The following COL21A1 variants were observed in gnomAD, a reference collection of about 807,000 sequenced individuals.
COL21A1 encodes the protein collagen type XXI alpha 1 chain.
Under a neutral mutation model 137.9 loss-of-function variants are expected in COL21A1, and 149 were observed. The ratio of observed to expected loss-of-function variants is 1.08; its 90% CI spans 0.95 to 1.24. COL21A1 has a LOEUF of 1.24. Ranked by LOEUF, COL21A1 falls within the 50% of genes most tolerant of loss-of-function variation. COL21A1 has a pLI of 0.00. For missense variants in COL21A1, 1,167 were observed against 1,158.4 expected, an observed-to-expected ratio of 1.01 and a Z score of -0.11; for synonymous variants, 456 against 391.5, an observed-to-expected ratio of 1.16 and a Z score of -1.95.
chr6:56,378,608 CT>C (rs1289107026), intron 1 of COL21A1, among the ~76,000 whole-genome samples: 1 of 152,228 alleles, frequency 6.6e-6, no homozygotes, highest in Non-Finnish European at 1.5e-5. Flanking sequence ...TAGTCTCTGG[CT>C]CCTGGATAGC....
At chr6:56,366,457 T>A (rs1275938694) in intron 1 of COL21A1, among the ~76,000 whole-genome samples, 4 of 117,706 alleles carry the variant, frequency 3.4e-5, no homozygotes, top group Non-Finnish European at 6.9e-5. Context: ...AATGGGCTAC[T>A]CCCATTTGAA....
chr6:56,129,840 T>C (rs1247370280), intron 12 of COL21A1, among the ~76,000 whole-genome samples: 3 of 151,192 alleles, frequency 2.0e-5, no homozygotes, highest in African/African-American at 7.3e-5. Flanking sequence ...AAAGAAAAAA[T>C]AAATTTTAGG....
intron 1 of COL21A1, among the ~76,000 whole-genome samples, chr6:56,292,960 C>T (rs545121696): frequency 7.8e-4 from 119 of 152,102 alleles, no homozygotes; most frequent in African/African-American, 2.8e-3. Context: ...AGTATATATA[C>T]ATATGTATTC....
At chr6:56,287,120 G>A (rs573924257) in intron 1 of COL21A1, among the ~76,000 whole-genome samples, 2 of 152,236 alleles carry the variant, frequency 1.3e-5, no homozygotes, top group Admixed American at 6.5e-5. Context: ...CTCTCATTGA[G>A]GCTAAAAGAT....
At chr6:56,326,886 G>A (rs1765107684) in intron 1 of COL21A1, among the ~76,000 whole-genome samples, 1 of 152,006 alleles carries the variant, frequency 6.6e-6, no homozygotes, top group Admixed American at 6.6e-5. Context: ...ATTCACACCT[G>A]AATCTGCCTT....
At chr6:56,314,518 T>C (rs903905058) in intron 1 of COL21A1, among the ~76,000 whole-genome samples, 1 of 152,208 alleles carries the variant, frequency 6.6e-6, no homozygotes, top group Non-Finnish European at 1.5e-5. Flanking sequence ...TCAGTTCTAA[T>C]GTAAATTGTC....
At chr6:56,250,062 T>G (rs907504762), upstream of COL21A1, among the ~76,000 whole-genome samples, 17 of 152,230 alleles carry the variant, frequency 1.1e-4, no homozygotes, top group African/African-American at 4.1e-4. Flanking sequence ...CTAAGTGAAT[T>G]CACAATTTTT....
intron 1 of COL21A1, among the ~76,000 whole-genome samples, chr6:56,299,489 A>G (rs962760897): frequency 6.6e-6 from 1 of 152,110 alleles, no homozygotes; most frequent in African/African-American, 2.4e-5. Context: ...ATTTTACAAT[A>G]AGGTAATTCT....
At chr6:56,343,687 T>A (rs1765519989) in intron 1 of COL21A1, among the ~76,000 whole-genome samples, 1 of 152,168 alleles carries the variant, frequency 6.6e-6, no homozygotes, top group Non-Finnish European at 1.5e-5. Context: ...ATGTCTGTAA[T>A]CCCAGTACTT....
chr6:56,154,634 G>A (rs930691901), intron 10 of COL21A1, among the ~76,000 whole-genome samples: 1 of 152,192 alleles, frequency 6.6e-6, no homozygotes, highest in East Asian at 1.9e-4. Flanking sequence ...ACAACCTCCT[G>A]CATAGTCTCC....
intron 1 of COL21A1, among the ~76,000 whole-genome samples, chr6:56,277,871 G>T (rs141081662): frequency 0.03 from 4,507 of 152,228 alleles, 91 homozygotes; most frequent in Non-Finnish European, 0.041. Flanking sequence ...TTCTGACAAA[G>T]GAACAGTATT....
intron 16 of COL21A1, among the ~76,000 whole-genome samples, chr6:56,102,091 A>T (rs12193911): frequency 6.6e-6 from 1 of 152,004 alleles, no homozygotes; most frequent in Non-Finnish European, 1.5e-5. Flanking sequence ...ATACCTTTAC[A>T]TTACTATGCT....
intron 1 of COL21A1, among the ~76,000 whole-genome samples, chr6:56,225,162 GC>G (rs1218320275): frequency 2.0e-5 from 3 of 151,914 alleles, no homozygotes; most frequent in Admixed American, 1.3e-4. Context: ...TCCCCACAAA[GC>G]CTTAAAACAT....
At chr6:56,300,433 TA>T in intron 1 of COL21A1, among the ~76,000 whole-genome samples, 1 of 152,278 alleles carries the variant, frequency 6.6e-6, no homozygotes, top group South Asian at 2.1e-4. Context: ...TACTTTATTT[TA>T]AAAATTTAAA....
chr6:56,133,577 T>C (rs1268407025), intron 12 of COL21A1, among the ~76,000 whole-genome samples: 2 of 152,194 alleles, frequency 1.3e-5, no homozygotes, highest in African/African-American at 4.8e-5. Flanking sequence ...AGCTGAATGT[T>C]AATCTCCAAC....
At chr6:56,235,160 C>T (rs1204375861) in intron 1 of COL21A1, among the ~76,000 whole-genome samples, 3 of 151,754 alleles carry the variant, frequency 2.0e-5, no homozygotes, top group Non-Finnish European at 4.4e-5. Flanking sequence ...CTTACAGAAA[C>T]TTGGTATAAG....
chr6:56,309,655 T>C (rs1484063218), intron 1 of COL21A1, among the ~76,000 whole-genome samples: 1 of 152,182 alleles, frequency 6.6e-6, no homozygotes, highest in Non-Finnish European at 1.5e-5. Context: ...AAAGGGCTGA[T>C]AGTGGAAAGA....
intron 1 of COL21A1, among the ~76,000 whole-genome samples, chr6:56,341,083 G>A (rs1224575482): frequency 2.6e-5 from 4 of 152,150 alleles, no homozygotes; most frequent in African/African-American, 9.7e-5. Context: ...CATCTCCAAG[G>A]AGCTACATTG....
chr6:56,377,376 G>A (rs1192471568), intron 1 of COL21A1, among the ~76,000 whole-genome samples: 1 of 151,882 alleles, frequency 6.6e-6, no homozygotes, highest in East Asian at 1.9e-4. Flanking sequence ...CCTTCCTCCA[G>A]CAGTGATGGT....
Sources: gnomAD v4.1 joint callset for allele counts (sites outside exome capture counted in the v4.1 genomes callset) on GRCh38, gnomAD v4.1.1 for gene constraint, MANE v1.5 for transcripts, NCBI Gene and HGNC (gene_info 2026-07-23, HGNC 2026-07-21) for gene names.